SPOCK3: variants seen among roughly 807,000 people sequenced by gnomAD.
SPOCK3 encodes SPARC (osteonectin), cwcv and kazal like domains proteoglycan 3.
SPOCK3 carries 30 observed loss-of-function variants against 56.6 expected under a neutral mutation model. The ratio of observed to expected loss-of-function variants is 0.53; its 90% CI spans 0.40 to 0.72. The LOEUF (loss-of-function observed/expected upper bound fraction) is 0.72. Among genes scored for constraint, SPOCK3 ranks in the 30% least tolerant of loss-of-function variants. SPOCK3 has a pLI of 0.00. For missense variants in SPOCK3, 527 were observed against 530.0 expected (o/e 0.99, Z 0.06); for synonymous variants, 196 against 183.3 (o/e 1.07, Z -0.56).
chr4:167,060,675 A>G (rs1580166671), intron 3 of SPOCK3, among the ~76,000 whole-genome samples: 1 of 152,152 alleles, frequency 6.6e-6, no homozygotes, highest in East Asian at 1.9e-4. Flanking sequence ...GTAAATGTGC[A>G]TTTTTAAAGC....
intron 6 of SPOCK3, among the ~76,000 whole-genome samples, chr4:166,885,146 G>C (rs781096118): frequency 6.0e-5 from 9 of 151,104 alleles, no homozygotes; most frequent in Admixed American, 2.0e-4. Flanking sequence ...CTTTTTCCTT[G>C]TCCATCATAT....
At chr4:166,830,513 G>C (rs1226855555) in intron 6 of SPOCK3, among the ~76,000 whole-genome samples, 2 of 152,144 alleles carry the variant, frequency 1.3e-5, no homozygotes, top group African/African-American at 4.8e-5. Context: ...GGGAGGCTGA[G>C]GCAAGAGGAT....
intron 4 of SPOCK3, among the ~76,000 whole-genome samples, chr4:166,989,132 A>G (rs1471277969): frequency 6.6e-6 from 1 of 152,052 alleles, no homozygotes; most frequent in Non-Finnish European, 1.5e-5. Context: ...TCACTAAACC[A>G]GTAGACCTGT....
intron 6 of SPOCK3, among the ~76,000 whole-genome samples, chr4:166,810,322 TTTTA>T (rs1743638766): frequency 6.6e-6 from 1 of 152,126 alleles, no homozygotes; most frequent in African/African-American, 2.4e-5. Context: ...CTAACATTAG[TTTTA>T]TTTAATTTCC....
At chr4:167,056,620 C>T (rs112747392) in intron 3 of SPOCK3, among the ~76,000 whole-genome samples, 18 of 152,166 alleles carry the variant, frequency 1.2e-4, no homozygotes, top group East Asian at 3.9e-4. Context: ...AGCCAAGGCT[C>T]GAGAACTACG....
intron 4 of SPOCK3, among the ~76,000 whole-genome samples, chr4:166,914,995 CT>C (rs1158966350): frequency 6.6e-6 from 1 of 151,772 alleles, no homozygotes; most frequent in Non-Finnish European, 1.5e-5. Flanking sequence ...AAAAATGGTA[CT>C]TTTTATTTAG....
Position 167,233,990 on chromosome 4 carries a change from G to A in SPOCK3, c.184C>T (p.Arg62Ter). ...TGTGGGTGCGCGGAACTTACGTCTC[G>A]GAATTTGTTCCACTGTCCGACTTCC... is the stretch of plus-strand genomic sequence containing the variant. ...DKEVGQWNKF[R>*]DDDYFRTWSP... Residue 62 changes from arginine to a stop codon, truncating the protein, a stop_gained, in exon 2 of 11, where the codon CGA becomes TGA. Transcript: ENST00000357545. LOFTEE classifies it high-confidence loss of function. 1 of 1,612,902 alleles carries A rather than the reference G, an allele frequency of 6.2e-7. No homozygotes were observed. Among genetic ancestry groups the A allele is most frequent in the Non-Finnish European group, 8.5e-7 (1 of 1,179,032 alleles).
intron 6 of SPOCK3, among the ~76,000 whole-genome samples, chr4:166,794,322 G>T (rs1406601431): frequency 1.3e-5 from 2 of 151,240 alleles, no homozygotes; most frequent in Non-Finnish European, 2.9e-5. Flanking sequence ...CCCCTTAAAG[G>T]GATAGGCACA....
intron 2 of SPOCK3, among the ~76,000 whole-genome samples, chr4:167,118,132 T>C (rs1761582723): frequency 6.6e-6 from 1 of 152,130 alleles, no homozygotes; most frequent in African/African-American, 2.4e-5. Context: ...CCTCTCCTAC[T>C]TGCCAGACTG....
Position 166,931,667 on chromosome 4 carries a change from G to A in SPOCK3, c.351-18924C>T, listed in dbSNP as rs1238693810. ...ATTCTTCATCTACCTCCATTTCATT[G>A]TTTAGAGCATTCAATTTATATTTTG... On this transcript the variant is annotated intron_variant, in intron 4 of 10. Coordinates refer to ENST00000357545, the MANE Select transcript of SPOCK3 (RefSeq NM_001040159.2). Among the ~76,000 whole-genome samples the A allele has an allele frequency of 5.3e-5, 8 of 152,204 alleles. No homozygotes were observed. In the South Asian group the frequency reaches 1.0e-3, roughly 20 times the overall value.
chr4:166,965,184 CTACT>C (rs1314088408), intron 4 of SPOCK3, among the ~76,000 whole-genome samples: 1 of 151,872 alleles, frequency 6.6e-6, no homozygotes, highest in South Asian at 2.1e-4. Flanking sequence ...TTCATGCAGA[CTACT>C]TAGAGTCAAT....
rs558905864 is a variant in SPOCK3 at position 167,054,014 on chromosome 4, T to C, written c.235+8478A>G. ...ATTTACTGCCATGGTAGAGAACAAGTAGGGACGCTCCAAGTTCCTTTGGAT... is the reference window on the plus strand; with the variant it reads ...ATTTACTGCCATGGTAGAGAACAAGCAGGGACGCTCCAAGTTCCTTTGGAT... On this transcript the variant is annotated intron_variant, in intron 3 of 10. Transcript: ENST00000357545. 5.9e-5 allele frequency among the ~76,000 whole-genome samples: 9 copies of C among 152,314 alleles called. No individual in the cohort carries two copies. In the East Asian group the frequency reaches 1.5e-3, roughly 26 times the overall value.
At chr4:166,956,342 T>C (rs1743470531) in intron 4 of SPOCK3, among the ~76,000 whole-genome samples, 1 of 152,112 alleles carries the variant, frequency 6.6e-6, no homozygotes, top group Non-Finnish European at 1.5e-5. Flanking sequence ...TATAGCAATA[T>C]GCCAGCAACA....
intron 3 of SPOCK3, among the ~76,000 whole-genome samples, chr4:167,060,921 A>G (rs1755537127): frequency 6.6e-6 from 1 of 152,096 alleles, no homozygotes; most frequent in Non-Finnish European, 1.5e-5. Context: ...AGTAATATAT[A>G]TCAAACACTT....
chr4:166,782,490 T>C (rs1740287249), intron 7 of SPOCK3, among the ~76,000 whole-genome samples: 1 of 152,168 alleles, frequency 6.6e-6, no homozygotes, highest in South Asian at 2.1e-4. Context: ...ATTGACAGAA[T>C]AGTCCAACAA....
intron 5 of SPOCK3, among the ~76,000 whole-genome samples, chr4:166,909,033 G>C (rs939762682): frequency 6.6e-6 from 1 of 152,104 alleles, no homozygotes; most frequent in South Asian, 2.1e-4. Flanking sequence ...GATTAAATAG[G>C]CTTCTAAAGA....
At chr4:167,218,864 T>G (rs907829399) in intron 2 of SPOCK3, among the ~76,000 whole-genome samples, 1 of 152,124 alleles carries the variant, frequency 6.6e-6, no homozygotes, top group Admixed American at 6.6e-5. Context: ...GATAATGTAC[T>G]AAGTGTGTGG....
chr4:167,075,679 A>G (rs768745803), intron 2 of SPOCK3, among the ~76,000 whole-genome samples: 47 of 151,894 alleles, frequency 3.1e-4, no homozygotes, highest in Non-Finnish European at 5.9e-4. Context: ...GTCTTACTGT[A>G]TGCCCAGGCT....
intron 4 of SPOCK3, among the ~76,000 whole-genome samples, chr4:166,965,098 C>A (rs527360050): frequency 1.3e-4 from 19 of 151,980 alleles, no homozygotes; most frequent in Non-Finnish European, 1.8e-4. Flanking sequence ...ATCTGGAAAA[C>A]TTAGTAAAAA....
Sources: allele counts gnomAD v4.1 joint callset (sites outside exome capture counted in the v4.1 genomes callset), GRCh38; gene constraint gnomAD v4.1.1; transcripts MANE v1.5; gene names NCBI Gene and HGNC (gene_info 2026-07-23, HGNC 2026-07-21).